Variants in PSD3 observed in about 807,000 individuals in gnomAD.
PSD3 encodes the protein pleckstrin and Sec7 domain containing 3.
PSD3 carries 49 observed loss-of-function variants against 105.5 expected under a neutral mutation model. The ratio of observed to expected loss-of-function variants is 0.46; its 90% CI spans 0.37 to 0.59. The LOEUF (loss-of-function observed/expected upper bound fraction) is 0.59, where lower values mean the gene tolerates loss of function less well. Among genes scored for constraint, PSD3 ranks in the 20% least tolerant of loss-of-function variants. The pLI, the probability that PSD3 is intolerant of heterozygous loss-of-function variation, is 0.00. For synonymous variants in PSD3, 557 were observed against 457.8 expected (o/e 1.22, Z -2.77); for missense variants, 1,561 against 1,263.8 (o/e 1.24, Z -3.57).
At chr8:18,770,267 C>G (rs1230116093) in intron 8 of PSD3, among the ~76,000 whole-genome samples, 1 of 152,184 alleles carries the variant, frequency 6.6e-6, no homozygotes, top group African/African-American at 2.4e-5. Flanking sequence ...ATTTGCATGT[C>G]TTCTTTAGAG....
At chr8:18,572,789 TACAACTAATCCCTG>T in intron 13 of PSD3, 117 bp from the exon 14 acceptor site, 1 of 1,172,526 alleles carries the variant, frequency 8.5e-7, no homozygotes, top group Non-Finnish European at 1.2e-6. Context: ...CTCCTCCTGG[TACAACTAATCCCTG>T]ACAAAACTTC....
At chr8:18,676,608 C>T (rs997138694) in intron 9 of PSD3, among the ~76,000 whole-genome samples, 20 of 152,178 alleles carry the variant, frequency 1.3e-4, no homozygotes, top group Admixed American at 1.3e-4. Flanking sequence ...AATTGATTTA[C>T]AGCCTTGTTG....
At chr8:18,860,944 G>A (rs1816390270) in intron 4 of PSD3, among the ~76,000 whole-genome samples, 1 of 152,074 alleles carries the variant, frequency 6.6e-6, no homozygotes, top group African/African-American at 2.4e-5. Flanking sequence ...CAAGTAACAG[G>A]CGCCGCACCA....
intron 1 of PSD3, among the ~76,000 whole-genome samples, chr8:19,080,705 T>C (rs1829616886): frequency 6.6e-6 from 1 of 152,130 alleles, no homozygotes; most frequent in African/African-American, 2.4e-5. Context: ...AAAAAGTGAA[T>C]TGGTTTTGAG....
intron 4 of PSD3, among the ~76,000 whole-genome samples, chr8:18,865,516 T>A (rs1260900024): frequency 6.6e-6 from 1 of 151,718 alleles, no homozygotes; most frequent in Admixed American, 6.6e-5. Flanking sequence ...GAGACATACA[T>A]CACAAAATAA....
chr8:18,700,569 T>G (rs1801518813), intron 9 of PSD3, among the ~76,000 whole-genome samples: 1 of 152,152 alleles, frequency 6.6e-6, no homozygotes, highest in African/African-American at 2.4e-5. Flanking sequence ...AGAATAAGCA[T>G]AAGCACAACA....
intron 8 of PSD3, among the ~76,000 whole-genome samples, chr8:18,795,497 A>G (rs1183843401): frequency 2.0e-5 from 3 of 152,220 alleles, no homozygotes; most frequent in Admixed American, 2.0e-4. Context: ...ATTAAAAACA[A>G]TGCCCTGGCT....
chr8:18,809,185 C>G (rs987818785), intron 4 of PSD3, among the ~76,000 whole-genome samples: 2 of 152,128 alleles, frequency 1.3e-5, no homozygotes, highest in Non-Finnish European at 1.5e-5. Flanking sequence ...TGGATTTTCT[C>G]TTTTCTATGG....
chr8:18,744,992 T>C (rs1215084154), intron 9 of PSD3, among the ~76,000 whole-genome samples: 3 of 152,222 alleles, frequency 2.0e-5, no homozygotes, highest in African/African-American at 4.8e-5. Context: ...ATGTTTACAA[T>C]GAAGTTAGGC....
intron 4 of PSD3, among the ~76,000 whole-genome samples, chr8:18,840,248 C>G (rs1023300182): frequency 2.0e-5 from 3 of 152,172 alleles, no homozygotes; most frequent in African/African-American, 7.2e-5. Context: ...AACCCTCAAT[C>G]ACTCTGAGTA....
At chr8:18,992,553 G>C (rs765411658) in intron 1 of PSD3, among the ~76,000 whole-genome samples, 1 of 152,158 alleles carries the variant, frequency 6.6e-6, no homozygotes, top group Non-Finnish European at 1.5e-5. Flanking sequence ...CGAACTGAAA[G>C]CTTTTCTTTA....
At chr8:18,616,876 G>T (rs909157950) in intron 11 of PSD3, among the ~76,000 whole-genome samples, 2 of 151,942 alleles carry the variant, frequency 1.3e-5, no homozygotes, top group African/African-American at 4.8e-5. Flanking sequence ...GCCCGCCTCG[G>T]CCTCCCAAAG....
At chr8:18,594,723 C>T (rs537281014) in intron 12 of PSD3, among the ~76,000 whole-genome samples, 5 of 151,862 alleles carry the variant, frequency 3.3e-5, no homozygotes, top group South Asian at 2.1e-4. Context: ...TAACATGACA[C>T]AGTATTTGCA....
At chr8:18,970,014 G>A (rs946105410) in intron 1 of PSD3, among the ~76,000 whole-genome samples, 9 of 150,684 alleles carry the variant, frequency 6.0e-5, no homozygotes, top group South Asian at 2.1e-4. Flanking sequence ...AGAAAGAAAC[G>A]CTAGGTAAAA....
At chr8:18,958,073 G>A (rs1823689573) in intron 1 of PSD3, among the ~76,000 whole-genome samples, 1 of 152,052 alleles carries the variant, frequency 6.6e-6, no homozygotes, top group South Asian at 2.1e-4. Context: ...GTACAATGAT[G>A]TTCATTTCAG....
At chr8:18,657,783 A>G (rs1004221218) in intron 9 of PSD3, among the ~76,000 whole-genome samples, 1 of 152,240 alleles carries the variant, frequency 6.6e-6, no homozygotes, top group African/African-American at 2.4e-5. Flanking sequence ...ACTACAAATG[A>G]AAAGAGACAG....
At chr8:18,664,940 A>G (rs1799360869) in intron 9 of PSD3, among the ~76,000 whole-genome samples, 1 of 152,192 alleles carries the variant, frequency 6.6e-6, no homozygotes, top group Non-Finnish European at 1.5e-5. Flanking sequence ...TTTTTAGTCC[A>G]TTGTCGAGAC....
intron 1 of PSD3, among the ~76,000 whole-genome samples, chr8:18,964,769 C>G (rs1824137416): frequency 1.3e-5 from 2 of 152,158 alleles, no homozygotes; most frequent in African/African-American, 4.8e-5. Flanking sequence ...TTTTTACATC[C>G]AAGCCACCCT....
chr8:18,571,597 T>G (rs1802145128), intron 14 of PSD3, among the ~76,000 whole-genome samples: 2 of 152,234 alleles, frequency 1.3e-5, no homozygotes, highest in Admixed American at 6.5e-5. Context: ...GATCTGGCCT[T>G]CATCTGCCTT....
Sources: allele counts gnomAD v4.1 joint callset (sites outside exome capture counted in the v4.1 genomes callset), GRCh38; gene constraint gnomAD v4.1.1; transcripts MANE v1.5; gene names NCBI Gene and HGNC (gene_info 2026-07-23, HGNC 2026-07-21).